The following PLEKHA5 variants were observed in gnomAD, a reference collection of about 807,000 sequenced individuals.
PLEKHA5 encodes pleckstrin homology domain containing A5.
In PLEKHA5, 55 loss-of-function variants were observed where a neutral mutation model predicts 181.9. The ratio of observed to expected loss-of-function variants is 0.30; its 90% CI spans 0.24 to 0.38. The LOEUF (loss-of-function observed/expected upper bound fraction) is 0.38. Among genes scored for constraint, PLEKHA5 ranks in the 10% least tolerant of loss-of-function variants. PLEKHA5 has a pLI of 1.00. For missense variants in PLEKHA5, 1,432 were observed against 1,549.5 expected, an observed-to-expected ratio of 0.92 and a Z score of 1.27; for synonymous variants, 535 against 529.4, an observed-to-expected ratio of 1.01 and a Z score of -0.15.
At chr12:19,164,474 C>T (rs1215177125) in intron 3 of PLEKHA5, among the ~76,000 whole-genome samples, 2 of 152,134 alleles carry the variant, frequency 1.3e-5, no homozygotes, top group Non-Finnish European at 2.9e-5. Flanking sequence ...GGATTACAGG[C>T]GTGAGCCACT....
chr12:19,254,931 A>C, intron 4 of PLEKHA5, 114 bp from the exon 5 acceptor site: 64 of 800,188 alleles, frequency 8.0e-5, no homozygotes, highest in Non-Finnish European at 1.1e-4. Context: ...TAGAGTAACT[A>C]GGATCCAAGT....
intron 24 of PLEKHA5, 150 bp from the exon 25 acceptor site, chr12:19,348,249 G>A (rs757388619): frequency 5.8e-5 from 32 of 549,802 alleles, no homozygotes; most frequent in Middle Eastern, 4.9e-4. Context: ...TTCTTTCCAC[G>A]TAATTGTGAC....
intron 3 of PLEKHA5, among the ~76,000 whole-genome samples, chr12:19,229,821 C>T (rs1240343984): frequency 2.0e-5 from 3 of 152,070 alleles, no homozygotes; most frequent in Admixed American, 1.3e-4. Context: ...CTGATTGGTC[C>T]GTTTTGACAG....
chr12:19,180,271 A>C (rs1420474760), intron 3 of PLEKHA5, among the ~76,000 whole-genome samples: 1 of 152,166 alleles, frequency 6.6e-6, no homozygotes, highest in Non-Finnish European at 1.5e-5. Flanking sequence ...TTGGGATTTA[A>C]ATTTTTACTC....
chr12:19,343,849 T>G (rs536710612), intron 22 of PLEKHA5, among the ~76,000 whole-genome samples: 349 of 152,174 alleles, frequency 2.3e-3, no homozygotes, highest in Non-Finnish European at 3.6e-3. Flanking sequence ...GGTCAGGAGT[T>G]CAAGACCAGC....
intron 23 of PLEKHA5, among the ~76,000 whole-genome samples, 155 bp from the exon 24 acceptor site, chr12:19,346,839 T>C (rs568576057): frequency 2.6e-5 from 4 of 152,252 alleles, no homozygotes; most frequent in Admixed American, 2.0e-4. Flanking sequence ...TGATAAAAAA[T>C]TTTTGATTTT....
intron 3 of PLEKHA5, among the ~76,000 whole-genome samples, chr12:19,155,295 G>A (rs2041419679): frequency 6.6e-6 from 1 of 152,150 alleles, no homozygotes; most frequent in Admixed American, 6.5e-5. Flanking sequence ...TTGACCATGA[G>A]GTTACATCAA....
intron 20 of PLEKHA5, among the ~76,000 whole-genome samples, chr12:19,327,196 A>C (rs2092256383): frequency 6.7e-6 from 1 of 149,274 alleles, no homozygotes; most frequent in Non-Finnish European, 1.5e-5. Flanking sequence ...ATCTCCACTC[A>C]CTGTGTATAA....
chr12:19,253,552 C>T (rs2065985918), intron 3 of PLEKHA5, among the ~76,000 whole-genome samples: 1 of 151,992 alleles, frequency 6.6e-6, no homozygotes, highest in South Asian at 2.1e-4. Flanking sequence ...TGCCGTGTCT[C>T]ATGCCTGTAA....
chr12:19,361,876 A>G lies in PLEKHA5; in HGVS notation c.3608+170A>G, dbSNP rs183671851. On this transcript the variant is annotated intron_variant, in intron 29 of 31. Transcript: ENST00000429027. Reference sequence around the variant, plus strand: ...TTAAACTACACATTCCTCACTTGTAAAAATGGCAATAGGGCTGGACGCACT... The same window carrying G: ...TTAAACTACACATTCCTCACTTGTAGAAATGGCAATAGGGCTGGACGCACT... Among the ~76,000 whole-genome samples the G allele has an allele frequency of 1.1e-4, 16 of 152,258 alleles. No individual in the cohort carries two copies. The East Asian group carries it at 2.3e-3, about 22-fold the overall frequency.
At chr12:19,241,346 G>A (rs908365298) in intron 3 of PLEKHA5, among the ~76,000 whole-genome samples, 1 of 152,176 alleles carries the variant, frequency 6.6e-6, no homozygotes, top group African/African-American at 2.4e-5. Flanking sequence ...TCAGCTTGGA[G>A]GATAGACTCA....
chr12:19,158,987 A>G (rs2042378502), intron 3 of PLEKHA5, among the ~76,000 whole-genome samples: 1 of 152,196 alleles, frequency 6.6e-6, no homozygotes, highest in Non-Finnish European at 1.5e-5. Flanking sequence ...GAAAAATTCA[A>G]CTGATGTTAT....
intron 15 of PLEKHA5, among the ~76,000 whole-genome samples, chr12:19,300,086 A>G (rs2081047345): frequency 2.0e-5 from 3 of 152,314 alleles, no homozygotes; most frequent in Middle Eastern, 3.4e-3. Flanking sequence ...GCACCATCCT[A>G]TACAACATCC....
chr12:19,208,485 C>A (rs7398574), intron 3 of PLEKHA5, among the ~76,000 whole-genome samples: 127,794 of 151,964 alleles, frequency 0.84, 55,251 homozygotes, highest in Non-Finnish European at 0.95. Context: ...TACTCATGGA[C>A]GTAGAATACC....
At chr12:19,320,356 G>A (rs572586986) in intron 17 of PLEKHA5, among the ~76,000 whole-genome samples, 71 of 152,012 alleles carry the variant, frequency 4.7e-4, no homozygotes, top group Middle Eastern at 3.4e-3. Flanking sequence ...TACATCGTTC[G>A]TATGTATCTT....
In PLEKHA5 at chr12:19,325,916, A is replaced by C. The variant is rs551974190; in HGVS notation, c.2448+3249A>C. 7.6e-4 allele frequency among the ~76,000 whole-genome samples: 116 copies of C among 151,992 alleles called. 1 individual carries two copies. Among genetic ancestry groups the C allele is most frequent in the African/African-American group, 2.6e-3 (109 of 41,486 alleles). On this transcript the variant is annotated intron_variant, in intron 20 of 31. Transcript: ENST00000429027. ...CAGCTACTCAGGAGGCTGAGACAGG[A>C]GAATCGCTTGAACCCGGGAGGCTGA... is the stretch of plus-strand genomic sequence containing the variant.
chr12:19,273,923 A>G (rs761005755), intron 10 of PLEKHA5, among the ~76,000 whole-genome samples: 20 of 152,224 alleles, frequency 1.3e-4, no homozygotes, highest in Non-Finnish European at 2.4e-4. Flanking sequence ...AGTGTTCTGT[A>G]CTTTGCCTGA....
intron 3 of PLEKHA5, among the ~76,000 whole-genome samples, chr12:19,188,623 C>G (rs1443614990): frequency 1.3e-5 from 2 of 152,184 alleles, no homozygotes; most frequent in African/African-American, 4.8e-5. Flanking sequence ...ATAACTGTAT[C>G]AGACCATGAT....
At chr12:19,206,679 C>T (rs1056782159) in intron 3 of PLEKHA5, among the ~76,000 whole-genome samples, 1 of 151,928 alleles carries the variant, frequency 6.6e-6, no homozygotes, top group Non-Finnish European at 1.5e-5. Context: ...TGTGAACTTC[C>T]CCCACTATGC....
Sources: allele counts gnomAD v4.1 joint callset (sites outside exome capture counted in the v4.1 genomes callset), GRCh38; gene constraint gnomAD v4.1.1; transcripts MANE v1.5; gene names NCBI Gene and HGNC (gene_info 2026-07-23, HGNC 2026-07-21).